The following DLG2 variants were observed in gnomAD, a reference collection of about 807,000 sequenced individuals.
The protein encoded by DLG2 is disks large homolog 2.
In DLG2, 45 loss-of-function variants were observed where a neutral mutation model predicts 132.5. The ratio of observed to expected loss-of-function variants is 0.34; its 90% CI spans 0.27 to 0.44. The LOEUF is 0.44. DLG2 is among the 20% of genes least tolerant of loss of function. The pLI is 1.00. For missense variants in DLG2, 1,045 were observed against 1,196.9 expected, an observed-to-expected ratio of 0.87 and a Z score of 1.87; for synonymous variants, 424 against 419.6, an observed-to-expected ratio of 1.01 and a Z score of -0.13.
At chr11:83,884,225 G>A (rs1041545569) in intron 15 of DLG2, among the ~76,000 whole-genome samples, 7 of 152,298 alleles carry the variant, frequency 4.6e-5, no homozygotes, top group African/African-American at 1.2e-4. Flanking sequence ...CTGGAAAATC[G>A]GGTCACTCCC....
chr11:85,160,877 T>C (rs550980747), intron 4 of DLG2, among the ~76,000 whole-genome samples: 3 of 152,262 alleles, frequency 2.0e-5, no homozygotes, highest in South Asian at 4.1e-4. Context: ...CTACAACCCC[T>C]TTCTAGGACA....
At chr11:85,035,773 G>A (rs2061385497) in intron 6 of DLG2, among the ~76,000 whole-genome samples, 1 of 152,082 alleles carries the variant, frequency 6.6e-6, no homozygotes, top group Admixed American at 6.5e-5. Flanking sequence ...AGAAACTTTG[G>A]CTGGGCCCGA....
intron 22 of DLG2, chr11:83,483,151 G>T: frequency 2.2e-6 from 2 of 891,236 alleles, no homozygotes; most frequent in Non-Finnish European, 3.7e-6. Context: ...CGTATCTTGT[G>T]CATGCTAGGA....
chr11:83,976,165 CTT>C (rs1436666970), intron 12 of DLG2, among the ~76,000 whole-genome samples: 1 of 151,892 alleles, frequency 6.6e-6, no homozygotes, highest in Admixed American at 6.6e-5. Context: ...ATTACTAACT[CTT>C]TAAAAAATGA....
At chr11:84,132,892 TTTACGGCATGA>T (rs1270006386) in intron 9 of DLG2, among the ~76,000 whole-genome samples, 3 of 151,976 alleles carry the variant, frequency 2.0e-5, no homozygotes, top group Admixed American at 2.0e-4. Context: ...ATCTTGGATT[TTTACGGCATGA>T]AAATATCCAT....
At chr11:84,262,897 A>G (rs1243297276) in intron 7 of DLG2, among the ~76,000 whole-genome samples, 2 of 152,158 alleles carry the variant, frequency 1.3e-5, no homozygotes, top group Admixed American at 6.5e-5. Context: ...TATTTTTAAT[A>G]GAAACATAAA....
chr11:84,403,049 CTG>C (rs1175827131), intron 7 of DLG2, among the ~76,000 whole-genome samples: 1 of 151,808 alleles, frequency 6.6e-6, no homozygotes, highest in East Asian at 1.9e-4. Flanking sequence ...TGTTCTCAGA[CTG>C]TGTTTTTTTT....
chr11:84,817,986 TCCCC>T (rs2077249536), intron 6 of DLG2, among the ~76,000 whole-genome samples: 1 of 151,986 alleles, frequency 6.6e-6, no homozygotes, highest in African/African-American at 2.4e-5. Flanking sequence ...TTCCTAGTGC[TCCCC>T]TCAATCCTGA....
intron 18 of DLG2, among the ~76,000 whole-genome samples, chr11:83,781,541 G>C (rs184486975): frequency 6.6e-6 from 1 of 151,772 alleles, no homozygotes; most frequent in Non-Finnish European, 1.5e-5. Flanking sequence ...AAGAATAAAG[G>C]GTGGATGAAA....
chr11:85,487,081 C>A (rs1191770520), intron 3 of DLG2, among the ~76,000 whole-genome samples: 1 of 149,360 alleles, frequency 6.7e-6, no homozygotes, highest in Non-Finnish European at 1.5e-5. Flanking sequence ...TTGCTGCAGG[C>A]CCCAAAATCA....
At chr11:84,421,401 T>C (rs2098950316) in intron 7 of DLG2, among the ~76,000 whole-genome samples, 1 of 152,176 alleles carries the variant, frequency 6.6e-6, no homozygotes, top group Non-Finnish European at 1.5e-5. Flanking sequence ...TTCTTCCCCA[T>C]TGCAGACCTT....
At chr11:84,564,559 A>C (rs760390193) in intron 6 of DLG2, among the ~76,000 whole-genome samples, 7 of 152,190 alleles carry the variant, frequency 4.6e-5, no homozygotes, top group African/African-American at 1.7e-4. Context: ...ACTGCCCAAA[A>C]TAGCACCTCC....
At chr11:84,633,092 G>T (rs1019740968) in intron 6 of DLG2, among the ~76,000 whole-genome samples, 1 of 152,182 alleles carries the variant, frequency 6.6e-6, no homozygotes, top group Non-Finnish European at 1.5e-5. Flanking sequence ...TATGATCCAT[G>T]TATATTAATG....
chr11:83,657,832 G>A (rs908698333), intron 18 of DLG2, among the ~76,000 whole-genome samples: 20 of 152,092 alleles, frequency 1.3e-4, no homozygotes, highest in African/African-American at 2.4e-4. Flanking sequence ...GAGCCACCGC[G>A]CCCAGCCTAT....
intron 16 of DLG2, among the ~76,000 whole-genome samples, chr11:83,835,246 T>C (rs1337640449): frequency 6.6e-6 from 1 of 152,196 alleles, no homozygotes; most frequent in African/African-American, 2.4e-5. Flanking sequence ...ATCCCTGTCC[T>C]TGTGGGCTTA....
chr11:84,885,086 A>C (rs2088022328), intron 6 of DLG2, among the ~76,000 whole-genome samples: 1 of 152,068 alleles, frequency 6.6e-6, no homozygotes, highest in Non-Finnish European at 1.5e-5. Context: ...CTTATCATAC[A>C]GGCATTTTGT....
intron 7 of DLG2, among the ~76,000 whole-genome samples, chr11:84,470,666 C>T (rs1015554014): frequency 6.6e-6 from 1 of 151,694 alleles, no homozygotes; most frequent in African/African-American, 2.4e-5. Flanking sequence ...ACCATTCTCC[C>T]TGGCAGAGGT....
intron 17 of DLG2, among the ~76,000 whole-genome samples, chr11:83,791,988 A>G (rs1370879591): frequency 3.3e-5 from 5 of 152,228 alleles, no homozygotes; most frequent in Admixed American, 3.3e-4. Context: ...AACTGAATAG[A>G]TCATAACATA....
At position 84,414,352 on chromosome 11, in the gene DLG2, T is replaced by C. The variant is rs539133533; in HGVS notation, c.519+120218A>G. Reference sequence around the variant, plus strand: ...TACTTGCTTGTCACAGAAGACAAGATTTACAGGCAGGTAGGTGAATCTGAA... The same window carrying C: ...TACTTGCTTGTCACAGAAGACAAGACTTACAGGCAGGTAGGTGAATCTGAA... On this transcript the variant is annotated intron_variant, in intron 7 of 27. Transcript: ENST00000376104. Among the ~76,000 whole-genome samples the C allele has an allele frequency of 2.0e-4, 30 of 152,270 alleles. 1 individual carries two copies. In the South Asian group the frequency reaches 6.0e-3, roughly 31 times the overall value.
Sources: gnomAD v4.1 joint callset for allele counts (sites outside exome capture counted in the v4.1 genomes callset) on GRCh38, gnomAD v4.1.1 for gene constraint, MANE v1.5 for transcripts, NCBI Gene and HGNC (gene_info 2026-07-23, HGNC 2026-07-21) for gene names.